FGF13: variants seen among roughly 807,000 people sequenced by gnomAD.
FGF13 encodes the protein fibroblast growth factor 13.
A neutral mutation model predicts 19.5 loss-of-function variants in FGF13; 2 were observed. The observed-to-expected ratio is 0.10, with a 90% CI of 0.04 to 0.32. FGF13 has a LOEUF of 0.32. Among genes scored for constraint, FGF13 ranks in the 10% least tolerant of loss-of-function variants. The probability of loss-of-function intolerance (pLI) is 1.00; values close to 1 mark genes in which losing one functional copy is unlikely to be tolerated. For synonymous variants in FGF13, 72 were observed against 76.9 expected (o/e 0.94, Z 0.33); for missense variants, 113 against 192.7 (o/e 0.59, Z 2.45).
At chrX:139,090,855 T>G (rs191082869) in intron 1 of FGF13, among the ~76,000 whole-genome samples, 1 of 106,439 alleles carries the variant, frequency 9.4e-6, no homozygotes, top group Non-Finnish European at 1.9e-5. Context: ...GGCAGCAGGA[T>G]TGTTTGAGCC....
intron 1 of FGF13, among the ~76,000 whole-genome samples, chrX:138,948,472 G>GC (rs777311542): frequency 8.9e-6 from 1 of 111,839 alleles, no homozygotes; most frequent in Admixed American, 9.5e-5. Flanking sequence ...TTGGGAAGAT[G>GC]CCCTAGAGGA....
At chrX:138,651,867 T>G (rs1687264420) in intron 3 of FGF13, among the ~76,000 whole-genome samples, 2 of 112,018 alleles carry the variant, frequency 1.8e-5, no homozygotes, top group South Asian at 7.4e-4. Context: ...TGTGGACTCC[T>G]TGATAGCATT....
At chrX:138,902,946 A>G (rs1009483184) in intron 1 of FGF13, among the ~76,000 whole-genome samples, 56 of 111,430 alleles carry the variant, frequency 5.0e-4, no homozygotes, top group African/African-American at 1.8e-3. Flanking sequence ...TTTAGAGCAT[A>G]GTGAAAAGAA....
chrX:138,632,688 G>T lies in FGF13; in HGVS notation c.*162C>A. ...ATCTAAATAATGGGGCTTTAGTATG[G>T]ATGATAAGAAGGTCTAATGGCAGAT... On this transcript the variant is annotated 3_prime_UTR_variant, in exon 5 of 5. Coordinates refer to ENST00000315930, the MANE Select transcript of FGF13 (RefSeq NM_004114.5). 2.0e-6 allele frequency: 1 copy of T among 502,786 alleles called. No individual in the cohort carries two copies. Among genetic ancestry groups the T allele is most frequent in the Non-Finnish European group, 3.2e-6 (1 of 310,449 alleles). 41.4% of individuals were successfully genotyped at this position (502,786 alleles called of 1,213,427 possible).
At chrX:139,050,861 A>G (rs1346806440) in intron 1 of FGF13, among the ~76,000 whole-genome samples, 1 of 112,147 alleles carries the variant, frequency 8.9e-6, no homozygotes, top group Admixed American at 9.5e-5. Context: ...TGTATAAAAA[A>G]TTGACCAATA....
chrX:138,878,233 G>A (rs2091402165), intron 1 of FGF13, among the ~76,000 whole-genome samples: 1 of 108,161 alleles, frequency 9.2e-6, no homozygotes, highest in African/African-American at 3.4e-5. Context: ...CATGTGCCAT[G>A]TTGGTGTGCT....
At chrX:139,160,914 G>C (rs1325133970) in intron 1 of FGF13, among the ~76,000 whole-genome samples, 2 of 111,566 alleles carry the variant, frequency 1.8e-5, no homozygotes, top group Non-Finnish European at 3.8e-5. Context: ...TCTACCATTG[G>C]TACAAAGAGG....
intron 1 of FGF13, among the ~76,000 whole-genome samples, chrX:138,731,339 G>C (rs998983906): frequency 9.1e-6 from 1 of 109,430 alleles, no homozygotes; most frequent in African/African-American, 3.3e-5. Flanking sequence ...AGAAATCAGA[G>C]TATGTTATCT....
intron 2 of FGF13, among the ~76,000 whole-genome samples, chrX:138,862,068 T>C (rs1260629654): frequency 8.9e-6 from 1 of 111,807 alleles, no homozygotes; most frequent in African/African-American, 3.2e-5. Flanking sequence ...TAGATAGCTA[T>C]TGGGTTCTTC....
intron 1 of FGF13, among the ~76,000 whole-genome samples, chrX:139,192,074 T>C (rs781623053): frequency 1.2e-4 from 13 of 111,385 alleles, no homozygotes; most frequent in African/African-American, 3.6e-4. Flanking sequence ...GGCAATAAGA[T>C]AGAAAAAAGC....
chrX:139,026,500 T>A (rs941212728), intron 1 of FGF13, among the ~76,000 whole-genome samples: 2 of 111,906 alleles, frequency 1.8e-5, no homozygotes, highest in South Asian at 7.5e-4. Flanking sequence ...CAAAACACAA[T>A]GTTAGTCAAG....
intron 1 of FGF13, among the ~76,000 whole-genome samples, chrX:138,925,379 T>A (rs1479780485): frequency 3.7e-5 from 4 of 107,487 alleles, no homozygotes; most frequent in African/African-American, 1.3e-4. Context: ...ACCAAAAAGA[T>A]CTTACTGGCT....
chrX:139,150,908 G>A (rs2083929352), intron 1 of FGF13, among the ~76,000 whole-genome samples: 1 of 110,955 alleles, frequency 9.0e-6, no homozygotes, highest in East Asian at 2.8e-4. Flanking sequence ...CACAAAGGGT[G>A]CTACACCCAC....
At chrX:138,839,842 T>A (rs966116489) in intron 3 of FGF13, among the ~76,000 whole-genome samples, 3 of 111,977 alleles carry the variant, frequency 2.7e-5, no homozygotes, top group African/African-American at 9.7e-5. Context: ...TAGTTCAAAA[T>A]TCAAATCACA....
chrX:138,643,480 C>T (rs1197139022), intron 3 of FGF13, among the ~76,000 whole-genome samples: 1 of 111,922 alleles, frequency 8.9e-6, no homozygotes, highest in Non-Finnish European at 1.9e-5. Flanking sequence ...TGTTGAGACT[C>T]GTGACAAAGA....
intron 3 of FGF13, among the ~76,000 whole-genome samples, chrX:138,664,020 T>C (rs657): frequency 7.2e-5 from 8 of 111,220 alleles, no homozygotes; most frequent in African/African-American, 2.6e-4. Context: ...TAGTCTAAAT[T>C]AGGTTTCATT....
chrX:138,946,338 A>C (rs753287532), intron 1 of FGF13, among the ~76,000 whole-genome samples: 1 of 112,035 alleles, frequency 8.9e-6, no homozygotes, highest in Non-Finnish European at 1.9e-5. Flanking sequence ...CTGGATCTCA[A>C]TTGACATCCC....
intron 1 of FGF13, among the ~76,000 whole-genome samples, chrX:138,946,991 A>G (rs1289872570): frequency 2.7e-5 from 3 of 112,411 alleles, no homozygotes; most frequent in Non-Finnish European, 5.6e-5. Context: ...CAAGAGGTCG[A>G]TTGCAGAGGC....
In FGF13 at chrX:138,625,484, AATAT is replaced by A. The variant is rs1429750451; in HGVS notation, c.*7362_*7365del. On this transcript the variant is annotated 3_prime_UTR_variant, in exon 5 of 5. Coordinates refer to ENST00000315930, the MANE Select transcript of FGF13 (RefSeq NM_004114.5). The stretch of plus-strand genomic sequence containing the variant: ...TATATATATATACATATATATATAT[AATAT>A]ATATATATACATATATATATATAAT... 2 of 93,813 alleles carry A rather than the reference AATAT, an allele frequency of 2.1e-5. No homozygotes were observed. The highest frequency in any genetic ancestry group is 8.7e-5 in the African/African-American group (2 of 23,012). The allele number at this position is 93,813 out of a possible 1,213,427, so 7.7% of individuals were successfully genotyped here. A position where few individuals can be genotyped will look rare whatever the true frequency, so the allele number is the denominator to read the frequency against.
Sources: gnomAD v4.1 joint callset for allele counts (sites outside exome capture counted in the v4.1 genomes callset) on GRCh38, gnomAD v4.1.1 for gene constraint, MANE v1.5 for transcripts, NCBI Gene and HGNC (gene_info 2026-07-23, HGNC 2026-07-21) for gene names.